The following GRIN2D variants were observed in gnomAD, a reference collection of about 807,000 sequenced individuals.
GRIN2D encodes the protein glutamate ionotropic receptor NMDA type subunit 2D.
GRIN2D carries 37 observed loss-of-function variants against 103.2 expected under a neutral mutation model. That is an observed-to-expected ratio of 0.36 (90% CI 0.28 to 0.47). GRIN2D has a LOEUF of 0.47. GRIN2D is among the 20% of genes least tolerant of loss of function. The probability of loss-of-function intolerance (pLI) is 1.00; values close to 1 mark genes in which losing one functional copy is unlikely to be tolerated. For missense variants in GRIN2D, 1,557 were observed against 1,910.6 expected, an observed-to-expected ratio of 0.81 and a Z score of 3.45; for synonymous variants, 845 against 885.6, an observed-to-expected ratio of 0.95 and a Z score of 0.81.
At chr19:48,419,903 C>T (rs1291442109) in intron 10 of GRIN2D, 89 bp downstream of exon 10, 7 of 7,172 alleles carry the variant, frequency 9.8e-4, no homozygotes, top group Non-Finnish European at 1.6e-3. Context: ...GGGATTCTTG[C>T]GGGGGGCGGG....
chr19:48,417,957 G>A (rs1970968277), intron 8 of GRIN2D, among the ~76,000 whole-genome samples: 1 of 152,118 alleles, frequency 6.6e-6, no homozygotes, highest in African/African-American at 2.4e-5. Flanking sequence ...AATGGACAGG[G>A]CAGGGTGTTA....
At chr19:48,411,846 G>A (rs1236371048) in intron 4 of GRIN2D, among the ~76,000 whole-genome samples, 2 of 151,900 alleles carry the variant, frequency 1.3e-5, no homozygotes, top group African/African-American at 2.4e-5. Context: ...TGAAGTTTGA[G>A]GGTGGGAACT....
At chr19:48,441,103 G>A (rs1418039251) in intron 11 of GRIN2D, among the ~76,000 whole-genome samples, 1 of 152,074 alleles carries the variant, frequency 6.6e-6, no homozygotes, top group East Asian at 1.9e-4. Flanking sequence ...GGTTGCTCAC[G>A]CCTGTAATCT....
intron 3 of GRIN2D, among the ~76,000 whole-genome samples, chr19:48,404,075 AC>A (rs1970750403): frequency 2.0e-5 from 3 of 152,166 alleles, no homozygotes; most frequent in African/African-American, 7.2e-5. Flanking sequence ...ACCCGTCTCT[AC>A]CAGAAATACA....
intron 7 of GRIN2D, 144 bp from the exon 8 acceptor site, chr19:48,415,858 C>T: frequency 1.4e-6 from 1 of 709,616 alleles, no homozygotes; most frequent in South Asian, 1.6e-5. Flanking sequence ...TCGTCCCCCT[C>T]CTCACCCACC....
chr19:48,421,850 G>C lies in GRIN2D; in HGVS notation c.2157G>C (p.Glu719Asp), dbSNP rs1377483303. ...KFGTVPNGST[E>D]KNIRSNYPDM... ...GGACCGTGCCCAACGGCTCCACGGA[G>C]AAGAACATCCGCAGCAACTATCCCG... The change falls in exon 11 of 14, where the codon GAG becomes GAC. Residue 719 changes from glutamate (E) to aspartate (D), a missense_variant. Glu to Asp is a conservative substitution (Grantham distance 45, BLOSUM62 2). Coordinates refer to ENST00000263269, the MANE Select transcript of GRIN2D (RefSeq NM_000836.4). The surrounding 1 kb of genome is among the most constrained non-coding windows in gnomAD (Gnocchi z 4.8). The C allele has an allele frequency of 6.2e-7, 1 of 1,614,046 alleles. No homozygotes were observed. Among genetic ancestry groups the C allele is most frequent in the Non-Finnish European group, 8.5e-7 (1 of 1,180,012 alleles).
Position 48,442,629 on chromosome 19 carries a change from C to T in GRIN2D, c.2703C>T (p.Ala901=), listed in dbSNP as rs1352968890. Residue 901 remains alanine (A), a synonymous_variant, in exon 14 of 14, where the codon GCC becomes GCT. Coordinates refer to ENST00000263269, the MANE Select transcript of GRIN2D (RefSeq NM_000836.4). The surrounding 1 kb of genome is among the most constrained non-coding windows in gnomAD (Gnocchi z 7.2). ...RGMYSCCSAE[A]APPPAKPPPP... is the part of the protein sequence containing the mutation. ...TGTACAGCTGCTGCAGCGCTGAGGCCGCCCCACCGCCCGCCAAGCCCCCGC... is the reference window on the plus strand; with the variant it reads ...TGTACAGCTGCTGCAGCGCTGAGGCTGCCCCACCGCCCGCCAAGCCCCCGC... The T allele has an allele frequency of 6.7e-7, 1 of 1,493,984 alleles. No homozygotes were observed. The highest frequency in any genetic ancestry group is 2.5e-5 in the East Asian group (1 of 39,460). The allele number at this position is 1,493,984 out of a possible 1,614,324, so 92.5% of individuals were successfully genotyped here. A position where few individuals can be genotyped will look rare whatever the true frequency, so the allele number is the denominator to read the frequency against.
Position 48,405,447 on chromosome 19 carries a change from T to TG in GRIN2D, c.1085+95dup, listed in dbSNP as rs1970780696. 1 of 1,248,432 alleles carries TG rather than the reference T, an allele frequency of 8.0e-7. No individual in the cohort carries two copies. The allele number at this position is 1,248,432 out of a possible 1,614,324, so 77.3% of individuals were successfully genotyped here. On this transcript the variant is annotated intron_variant, in intron 4 of 13. Coordinates refer to ENST00000263269, the MANE Select transcript of GRIN2D (RefSeq NM_000836.4). The surrounding 1 kb of genome is among the most constrained non-coding windows in gnomAD (Gnocchi z 5.1). ...ATGAGTGGCTCAAATGGGCCACATC[T>TG]GCTCTTTGAGCCTCAGTTTTCTTTT... is the stretch of plus-strand genomic sequence containing the variant.
chr19:48,419,393 G>A (rs1468981674), intron 9 of GRIN2D, 34 bp downstream of exon 9: 9 of 1,583,058 alleles, frequency 5.7e-6, no homozygotes, highest in African/African-American at 1.4e-5. Context: ...CCGCCTCGGA[G>A]ATCCCGAACC....
At position 48,410,217 on chromosome 19, in the gene GRIN2D, G is replaced by A. The variant is rs185865748; in HGVS notation, c.1086-3774G>A. Among the ~76,000 whole-genome samples, 216 of 150,326 alleles carry A rather than the reference G, an allele frequency of 1.4e-3. 1 individual carries two copies. Among genetic ancestry groups the A allele is most frequent in the Non-Finnish European group, 1.2e-3 (79 of 67,672 alleles). On this transcript the variant is annotated intron_variant, in intron 4 of 13. Transcript: ENST00000263269. ...GGGACCACAATAGTTCCAAGCAGAT[G>A]AAGGCCACAGAATTAGGAGTCAGAG...
intron 4 of GRIN2D, among the ~76,000 whole-genome samples, chr19:48,411,651 TAATAAATA>T (rs555516676): frequency 6.6e-6 from 1 of 151,274 alleles, no homozygotes; most frequent in African/African-American, 2.4e-5. Context: ...TCCATCTCAA[TAATAAATA>T]AATAAATAAA....
At chr19:48,422,955 G>A (rs924642755) in intron 11 of GRIN2D, among the ~76,000 whole-genome samples, 3 of 151,962 alleles carry the variant, frequency 2.0e-5, no homozygotes, top group African/African-American at 4.8e-5. Flanking sequence ...GGCTGGGTGC[G>A]GCAACAGGCT....
intron 11 of GRIN2D, among the ~76,000 whole-genome samples, chr19:48,425,101 C>G (rs778015156): frequency 6.6e-6 from 1 of 152,072 alleles, no homozygotes; most frequent in Non-Finnish European, 1.5e-5. Flanking sequence ...TCACTTGCGC[C>G]TTCCTCAGAA....
chr19:48,444,398 C>T lies in GRIN2D; in HGVS notation c.*461C>T, dbSNP rs1027013183. The stretch of plus-strand genomic sequence containing the variant: ...GCGTTCGCCAAACTGTGACCCCAGA[C>T]CTTGGCCCCGCCACACAGAAACCCC... On this transcript the variant is annotated 3_prime_UTR_variant, in exon 14 of 14. Coordinates refer to ENST00000263269, the MANE Select transcript of GRIN2D (RefSeq NM_000836.4). The surrounding 1 kb of genome is among the most constrained non-coding windows in gnomAD (Gnocchi z 5.5). The T allele has an allele frequency of 1.3e-5, 2 of 153,782 alleles. No homozygotes were observed. The highest frequency in any genetic ancestry group is 2.9e-5 in the Non-Finnish European group (2 of 69,090). The allele number at this position is 153,782 out of a possible 1,614,324, so 9.5% of individuals were successfully genotyped here.
Position 48,443,445 on chromosome 19 carries a change from C to A in GRIN2D, c.3519C>A (p.Ser1173Arg). 7.2e-7 allele frequency: 1 copy of A among 1,380,754 alleles called. No individual in the cohort carries two copies. The highest frequency in any genetic ancestry group is 9.3e-7 in the Non-Finnish European group (1 of 1,071,810). 85.5% of individuals were successfully genotyped at this position (1,380,754 alleles called of 1,614,324 possible). A position where few individuals can be genotyped will look rare whatever the true frequency, so the allele number is the denominator to read the frequency against. The change falls in exon 14 of 14, where the codon AGC becomes AGA. Residue 1173 changes from serine (S) to arginine (R), a missense_variant. Ser to Arg is a moderately radical substitution (Grantham distance 110). Coordinates refer to ENST00000263269, the MANE Select transcript of GRIN2D (RefSeq NM_000836.4). This position sits in a 1 kb window ranked among gnomAD's most constrained non-coding sequence, Gnocchi z 8.9. The stretch of plus-strand genomic sequence containing the variant: ...GCTGGGACTACCTGCCCCCGCGCAG[C>A]GGTCCGGCCGCCTGGCACTGTCGGC... Reference protein sequence around the residue: ...AGSWDYLPPRSGPAAWHCRHC... With the variant: ...AGSWDYLPPRRGPAAWHCRHC...
intron 2 of GRIN2D, among the ~76,000 whole-genome samples, chr19:48,395,359 A>C (rs1600964792): frequency 6.8e-6 from 1 of 147,942 alleles, no homozygotes; most frequent in African/African-American, 2.5e-5. Context: ...TGCTATTAAT[A>C]CCCCCGCCAA....
intron 11 of GRIN2D, among the ~76,000 whole-genome samples, chr19:48,434,685 TG>T (rs1317630651): frequency 6.6e-6 from 1 of 152,080 alleles, no homozygotes; most frequent in East Asian, 1.9e-4. Context: ...CCTCCCACCT[TG>T]GCCTCCCAAA....
chr19:48,425,950 T>C (rs1266139919), intron 11 of GRIN2D, among the ~76,000 whole-genome samples: 2 of 152,146 alleles, frequency 1.3e-5, no homozygotes, highest in Non-Finnish European at 2.9e-5. Flanking sequence ...CCAGTCACCA[T>C]AGAATATCAT....
intron 3 of GRIN2D, among the ~76,000 whole-genome samples, chr19:48,402,106 GAA>G (rs1276587003): frequency 1.6e-5 from 2 of 128,876 alleles, no homozygotes; most frequent in African/African-American, 3.0e-5. Context: ...AAGAAAGAGA[GAA>G]AGAGAAGGAA....
Sources: gnomAD v4.1 joint callset for allele counts (sites outside exome capture counted in the v4.1 genomes callset) on GRCh38, gnomAD v4.1.1 for gene constraint, Gnocchi (gnomAD v3.1) non-coding constraint, MANE v1.5 for transcripts, NCBI Gene and HGNC (gene_info 2026-07-23, HGNC 2026-07-21) for gene names.